SBF2: variants seen among roughly 807,000 people sequenced by gnomAD.
The protein encoded by SBF2 is SET binding factor 2, also known as myotubularin-related protein 13.
SBF2 carries 112 observed loss-of-function variants against 225.2 expected under a neutral mutation model. The observed-to-expected ratio is 0.50, with a 90% CI of 0.43 to 0.58. The LOEUF (loss-of-function observed/expected upper bound fraction) is 0.58. Ranked by LOEUF, SBF2 falls within the 20% of genes least tolerant of loss-of-function variation. The pLI is 0.00. For synonymous variants in SBF2, 763 were observed against 773.3 expected, an observed-to-expected ratio of 0.99 and a Z score of 0.22; for missense variants, 1,996 against 2,206.2, an observed-to-expected ratio of 0.90 and a Z score of 1.91.
At chr11:10,157,724 T>A (rs1449015073) in intron 2 of SBF2, among the ~76,000 whole-genome samples, 1 of 152,178 alleles carries the variant, frequency 6.6e-6, no homozygotes, top group East Asian at 1.9e-4. Context: ...ATAAATGTAA[T>A]GCACTTAAAT....
At chr11:9,832,633 G>T (rs943068073) in intron 26 of SBF2, among the ~76,000 whole-genome samples, 8 of 152,028 alleles carry the variant, frequency 5.3e-5, no homozygotes, top group Non-Finnish European at 1.0e-4. Context: ...TAGAGACAGG[G>T]TCTCACTTTG....
intron 31 of SBF2, 57 bp from the exon 32 acceptor site, chr11:9,808,242 C>G: frequency 6.8e-7 from 1 of 1,470,118 alleles, no homozygotes; most frequent in Admixed American, 1.8e-5. Flanking sequence ...AGGCCTATTA[C>G]TAAGATAAAA....
chr11:9,885,376 T>C (rs1860204193), intron 17 of SBF2, among the ~76,000 whole-genome samples: 1 of 151,972 alleles, frequency 6.6e-6, no homozygotes, highest in Admixed American at 6.6e-5. Context: ...ATTGTATTAT[T>C]TGAAAATTTA....
chr11:10,059,514 A>G (rs1950359113), intron 2 of SBF2, among the ~76,000 whole-genome samples: 1 of 152,220 alleles, frequency 6.6e-6, no homozygotes, highest in African/African-American at 2.4e-5. Context: ...TAAACTCAGC[A>G]TTGGACCAAA....
chr11:10,249,944 T>C (rs1565400161), intron 1 of SBF2, among the ~76,000 whole-genome samples: 1 of 151,888 alleles, frequency 6.6e-6, no homozygotes, highest in African/African-American at 2.4e-5. Flanking sequence ...GAGAATTATT[T>C]AACATGTTAA....
chr11:10,020,923 A>C (rs936510542), intron 6 of SBF2, among the ~76,000 whole-genome samples: 15 of 145,244 alleles, frequency 1.0e-4, no homozygotes, highest in East Asian at 5.0e-4. Flanking sequence ...TTAAAAAAAA[A>C]CCCTATATTT....
chr11:10,223,552 GTCA>G (rs1958430998), intron 1 of SBF2, among the ~76,000 whole-genome samples: 2 of 151,144 alleles, frequency 1.3e-5, no homozygotes. Flanking sequence ...GAAAGTTTAT[GTCA>G]TCTGTTTATA....
chr11:10,006,112 C>A (rs1948176865), intron 6 of SBF2, among the ~76,000 whole-genome samples: 1 of 152,222 alleles, frequency 6.6e-6, no homozygotes. Context: ...CACCTATTCT[C>A]CTGTTTTCTC....
At chr11:9,825,718 T>C (rs1400780921) in intron 28 of SBF2, among the ~76,000 whole-genome samples, 1 of 152,320 alleles carries the variant, frequency 6.6e-6, no homozygotes, top group African/African-American at 2.4e-5. Flanking sequence ...CAATGGACTA[T>C]TCATAGTTAC....
At position 9,852,667 on chromosome 11, in the gene SBF2, T is replaced by C. The variant is rs1388284994; in HGVS notation, c.2610+9A>G. 6.2e-7 allele frequency: 1 copy of C among 1,602,846 alleles called. No individual in the cohort carries two copies. The highest frequency in any genetic ancestry group is 2.2e-5 in the East Asian group (1 of 44,792). On this transcript the variant is annotated intron_variant, in intron 21 of 39. Transcript: ENST00000256190. Reference sequence around the variant, plus strand: ...GGCTATACCCTGAAAGCATGTAGTCTGGAATTACCTTCTGAATAGGCGGAA... The same window carrying C: ...GGCTATACCCTGAAAGCATGTAGTCCGGAATTACCTTCTGAATAGGCGGAA...
rs1851886378 is a variant in SBF2 at position 9,779,404 on chromosome 11, G to T, written c.*1014C>A. The T allele has an allele frequency of 6.6e-6, 1 of 152,652 alleles. No homozygotes were observed. Among genetic ancestry groups the T allele is most frequent in the Admixed American group, 6.5e-5 (1 of 15,290 alleles). 9.5% of individuals were successfully genotyped at this position (152,652 alleles called of 1,614,324 possible). On this transcript the variant is annotated 3_prime_UTR_variant, in exon 40 of 40. Transcript: ENST00000256190. ...ACCATGAGCAAACAGCATTTCTTGG[G>T]TCTTAAGCTAAACAATCACAAGTTA... is the stretch of plus-strand genomic sequence containing the variant.
At chr11:10,030,297 G>C (rs974228949) in intron 4 of SBF2, among the ~76,000 whole-genome samples, 5 of 152,278 alleles carry the variant, frequency 3.3e-5, no homozygotes, top group Admixed American at 2.6e-4. Flanking sequence ...TGTAAGAAAG[G>C]ATTGCAAAAC....
intron 13 of SBF2, among the ~76,000 whole-genome samples, chr11:9,983,844 G>A (rs978641293): frequency 3.1e-4 from 47 of 152,228 alleles, no homozygotes; most frequent in Admixed American, 2.6e-3. Context: ...ACTGCAGTTC[G>A]GCTCACAGGG....
intron 16 of SBF2, among the ~76,000 whole-genome samples, chr11:9,925,987 T>C (rs1252884145): frequency 1.3e-5 from 2 of 152,192 alleles, no homozygotes; most frequent in East Asian, 1.9e-4. Context: ...AAATTAGTTA[T>C]AGATAAAAGA....
At chr11:9,889,856 A>G (rs944352258) in intron 17 of SBF2, among the ~76,000 whole-genome samples, 2 of 152,132 alleles carry the variant, frequency 1.3e-5, no homozygotes, top group Non-Finnish European at 2.9e-5. Context: ...AATGGGCATA[A>G]GGTTTCTTTT....
At chr11:10,129,521 A>G (rs1953929768) in intron 2 of SBF2, among the ~76,000 whole-genome samples, 1 of 152,192 alleles carries the variant, frequency 6.6e-6, no homozygotes, top group Non-Finnish European at 1.5e-5. Flanking sequence ...GTGCTCTCTT[A>G]TATCAGCTCA....
chr11:10,011,897 T>C (rs1948474206), intron 6 of SBF2, among the ~76,000 whole-genome samples: 2 of 152,222 alleles, frequency 1.3e-5, no homozygotes, highest in African/African-American at 2.4e-5. Context: ...TCAACAAATT[T>C]TGCTAAGTTT....
intron 2 of SBF2, among the ~76,000 whole-genome samples, chr11:10,131,469 T>G (rs1487967063): frequency 6.6e-6 from 1 of 152,196 alleles, no homozygotes; most frequent in Non-Finnish European, 1.5e-5. Flanking sequence ...GTTTTGCTCT[T>G]GTTGCCCAGG....
intron 1 of SBF2, among the ~76,000 whole-genome samples, chr11:10,205,394 T>A (rs1957718532): frequency 6.6e-6 from 1 of 151,848 alleles, no homozygotes. Context: ...AGCCTATAAA[T>A]AACACAGGAG....
Sources: allele counts gnomAD v4.1 joint callset (sites outside exome capture counted in the v4.1 genomes callset), GRCh38; gene constraint gnomAD v4.1.1; transcripts MANE v1.5; gene names NCBI Gene and HGNC (gene_info 2026-07-23, HGNC 2026-07-21).